The following GRIN2B variants were observed in gnomAD, a reference collection of about 807,000 sequenced individuals.
GRIN2B encodes glutamate ionotropic receptor NMDA type subunit 2B.
In GRIN2B, 5 loss-of-function variants were observed where a neutral mutation model predicts 114.5. The ratio of observed to expected loss-of-function variants is 0.04; its 90% CI spans 0.02 to 0.09. GRIN2B has a LOEUF of 0.09. Among genes scored for constraint, GRIN2B ranks in the 10% least tolerant of loss-of-function variants. GRIN2B has a pLI of 1.00. For missense variants in GRIN2B, 1,108 were observed against 1,943.5 expected, an observed-to-expected ratio of 0.57 and a Z score of 8.08; for synonymous variants, 787 against 745.1, an observed-to-expected ratio of 1.06 and a Z score of -0.92.
intron 3 of GRIN2B, among the ~76,000 whole-genome samples, chr12:13,819,360 T>C (rs939537633): frequency 6.6e-6 from 1 of 152,116 alleles, no homozygotes; most frequent in African/African-American, 2.4e-5. Context: ...CCTAGAAAAC[T>C]AAAACAGGGA....
intron 2 of GRIN2B, among the ~76,000 whole-genome samples, chr12:13,888,314 C>T (rs988032789): frequency 3.9e-5 from 6 of 151,970 alleles, no homozygotes; most frequent in Admixed American, 1.3e-4. Flanking sequence ...TCCTCGGCTA[C>T]GAACCTGTAT....
chr12:13,552,858 C>A lies in GRIN2B; in HGVS notation c.*9925G>T, dbSNP rs565984133. ...GCCCTACCTTGCCAATAATAATTGT[C>A]CTACCCACTCCTGTCTCAATGAAGA... is the stretch of plus-strand genomic sequence containing the variant. On this transcript the variant is annotated 3_prime_UTR_variant, in exon 14 of 14. Coordinates refer to ENST00000609686, the MANE Select transcript of GRIN2B (RefSeq NM_000834.5). The A allele has an allele frequency of 6.6e-6, 1 of 152,210 alleles. No homozygotes were observed. The highest frequency in any genetic ancestry group is 2.1e-4 in the South Asian group (1 of 4,808). 9.4% of individuals were successfully genotyped at this position (152,210 alleles called of 1,614,324 possible).
At chr12:13,817,791 G>A (rs768989746) in intron 3 of GRIN2B, among the ~76,000 whole-genome samples, 2 of 152,128 alleles carry the variant, frequency 1.3e-5, no homozygotes, top group Admixed American at 6.5e-5. Flanking sequence ...GTTCTTCTGG[G>A]TCAAACAACT....
At chr12:13,981,939 G>C (rs1189879462), upstream of GRIN2B, 2 of 153,340 alleles carry the variant, frequency 1.3e-5, no homozygotes, top group African/African-American at 4.8e-5. Context: ...ACTCCGGGGG[G>C]AGGAGAAACC....
Position 13,615,407 on chromosome 12 carries a change from C to T in GRIN2B, c.1500+86G>A, listed in dbSNP as rs1385008872. 7 of 1,442,780 alleles carry T rather than the reference C, an allele frequency of 4.9e-6. No individual in the cohort carries two copies. Among genetic ancestry groups the T allele is most frequent in the Non-Finnish European group, 6.8e-6 (7 of 1,023,910 alleles). 89.4% of individuals were successfully genotyped at this position (1,442,780 alleles called of 1,614,324 possible). A position where few individuals can be genotyped will look rare whatever the true frequency, so the allele number is the denominator to read the frequency against. On this transcript the variant is annotated intron_variant, in intron 7 of 13. Transcript: ENST00000609686. This position sits in a 1 kb window ranked among gnomAD's most constrained non-coding sequence, Gnocchi z 5.8. ...TTGCCATTTTATATTTTCTGAAATG[C>T]ATAAAGTGAGCACGTTTTAAACTTA...
chr12:13,817,368 G>A (rs909590816), intron 3 of GRIN2B, among the ~76,000 whole-genome samples: 1 of 152,162 alleles, frequency 6.6e-6, no homozygotes, highest in Non-Finnish European at 1.5e-5. Flanking sequence ...AAGCCTGTTA[G>A]TCAGCAGATG....
At chr12:13,684,069 CA>C in intron 4 of GRIN2B, among the ~76,000 whole-genome samples, 1 of 152,180 alleles carries the variant, frequency 6.6e-6, no homozygotes, top group Non-Finnish European at 1.5e-5. Context: ...CTATAACATC[CA>C]AAACTATTAA....
intron 4 of GRIN2B, among the ~76,000 whole-genome samples, chr12:13,683,379 G>GTAA (rs1950149056): frequency 6.6e-6 from 1 of 152,150 alleles, no homozygotes; most frequent in Admixed American, 6.6e-5. Flanking sequence ...CTTAAACAGT[G>GTAA]TAATAGTCAC....
chr12:13,802,195 A>G (rs922871856), intron 3 of GRIN2B, among the ~76,000 whole-genome samples: 1 of 152,168 alleles, frequency 6.6e-6, no homozygotes, highest in African/African-American at 2.4e-5. Flanking sequence ...GAAAATACCA[A>G]CCAGAATAAC....
chr12:13,708,036 G>A (rs1950377471), intron 4 of GRIN2B, among the ~76,000 whole-genome samples: 1 of 151,982 alleles, frequency 6.6e-6, no homozygotes, highest in South Asian at 2.1e-4. Flanking sequence ...GGAGTTACAG[G>A]CAATAAGGCA....
chr12:13,619,737 T>G (rs1949492773), intron 5 of GRIN2B, among the ~76,000 whole-genome samples: 3 of 152,234 alleles, frequency 2.0e-5, no homozygotes, highest in Non-Finnish European at 2.9e-5. Context: ...TATATCACAG[T>G]GAGCCTGTGA....
At chr12:13,958,221 C>G (rs1001004484) in intron 2 of GRIN2B, among the ~76,000 whole-genome samples, 3 of 152,138 alleles carry the variant, frequency 2.0e-5, no homozygotes, top group African/African-American at 7.2e-5. Context: ...ATAATGGCAA[C>G]ACAATCTGTA....
intron 3 of GRIN2B, among the ~76,000 whole-genome samples, chr12:13,809,367 A>G (rs1263594707): frequency 6.6e-6 from 1 of 152,248 alleles, no homozygotes; most frequent in East Asian, 1.9e-4. Flanking sequence ...GCATGTGGAC[A>G]TAACTAAGAC....
At chr12:13,941,659 A>G (rs1220949749) in intron 2 of GRIN2B, among the ~76,000 whole-genome samples, 1 of 152,210 alleles carries the variant, frequency 6.6e-6, no homozygotes, top group Non-Finnish European at 1.5e-5. Context: ...CCCACAGGGA[A>G]GTGGTGGCCG....
At position 13,831,319 on chromosome 12, in the gene GRIN2B, G is replaced by C. The variant is rs539139188; in HGVS notation, c.411+34479C>G. ...ATAAATGAACTAAGACAGCAGGCAA[G>C]TTAATTTTCTGATTCTCCATAGAAC... is the stretch of plus-strand genomic sequence containing the variant. On this transcript the variant is annotated intron_variant, in intron 3 of 13. Coordinates refer to ENST00000609686, the MANE Select transcript of GRIN2B (RefSeq NM_000834.5). 1.1e-4 allele frequency among the ~76,000 whole-genome samples: 16 copies of C among 152,322 alleles called. No individual in the cohort carries two copies. In the South Asian group the frequency reaches 3.3e-3, roughly 32 times the overall value.
intron 2 of GRIN2B, among the ~76,000 whole-genome samples, chr12:13,963,339 A>G (rs569035456): frequency 1.3e-5 from 2 of 152,258 alleles, no homozygotes; most frequent in Non-Finnish European, 2.9e-5. Flanking sequence ...TCATCAGCAG[A>G]AATGAACGCA....
At chr12:13,845,985 A>G (rs73055679) in intron 3 of GRIN2B, among the ~76,000 whole-genome samples, 24,271 of 152,148 alleles carry the variant, frequency 0.16, 2,489 homozygotes, top group Non-Finnish European at 0.23. Context: ...TGCATTTTTG[A>G]TGGCTTTCCA....
intron 4 of GRIN2B, among the ~76,000 whole-genome samples, chr12:13,721,142 C>A (rs939158924): frequency 6.6e-6 from 1 of 151,902 alleles, no homozygotes; most frequent in African/African-American, 2.4e-5. Context: ...ATATGAAAAA[C>A]ATGCCAAGGA....
chr12:13,587,956 C>G (rs1415304980), intron 10 of GRIN2B, among the ~76,000 whole-genome samples: 1 of 152,044 alleles, frequency 6.6e-6, no homozygotes, highest in African/African-American at 2.4e-5. Flanking sequence ...TGGCAAAAAC[C>G]GCGATTACTT....
Sources: allele counts gnomAD v4.1 joint callset (sites outside exome capture counted in the v4.1 genomes callset), GRCh38; gene constraint gnomAD v4.1.1; non-coding constraint Gnocchi (gnomAD v3.1); transcripts MANE v1.5; gene names NCBI Gene and HGNC (gene_info 2026-07-23, HGNC 2026-07-21).